Variants in CCDC117 observed in about 807,000 individuals in gnomAD.
CCDC117 encodes the protein coiled-coil domain containing 117, also known as coiled-coil domain-containing protein 117.
CCDC117 carries 1 observed loss-of-function variant against 23.5 expected under a neutral mutation model. The ratio of observed to expected loss-of-function variants is 0.04; its 90% CI spans 0.02 to 0.20. CCDC117 has a LOEUF of 0.20. Among genes scored for constraint, CCDC117 ranks in the 10% least tolerant of loss-of-function variants. CCDC117 has a pLI of 1.00. For synonymous variants in CCDC117, 132 were observed against 124.8 expected (o/e 1.06, Z -0.39); for missense variants, 383 against 348.2 (o/e 1.10, Z -0.80).
intron 2 of CCDC117, among the ~76,000 whole-genome samples, chr22:28,780,103 G>A (rs1036779943): frequency 2.6e-5 from 4 of 152,252 alleles, no homozygotes; most frequent in East Asian, 3.9e-4. Flanking sequence ...ACTACTTTAC[G>A]GTGACACTTT....
chr22:28,773,008 T>C lies in CCDC117; in HGVS notation c.159T>C (p.Ser53=). 6.8e-6 allele frequency: 8 copies of C among 1,168,724 alleles called. No individual in the cohort carries two copies. The highest frequency in any genetic ancestry group is 8.4e-6 in the Non-Finnish European group (8 of 946,796). 72.4% of individuals were successfully genotyped at this position (1,168,724 alleles called of 1,614,324 possible). The change falls in exon 1 of 5, where the codon AGT becomes AGC. Residue 53 remains serine (S), a synonymous_variant. Transcript: ENST00000249064. ...PRPGPRAVPS[S]PAGSAARGRV... is the part of the protein sequence containing the mutation. ...CGGGACCTCGCGCAGTCCCTAGCAGTCCCGCTGGGAGTGCGGCGCGCGGAC... is the reference window on the plus strand; with the variant it reads ...CGGGACCTCGCGCAGTCCCTAGCAGCCCCGCTGGGAGTGCGGCGCGCGGAC...
chr22:28,781,148 G>C lies in CCDC117; in HGVS notation c.440G>C (p.Arg147Thr), dbSNP rs192039507. Residue 147 changes from arginine (R) to threonine (T), a missense_variant, in exon 3 of 5, where the codon AGG (arginine) becomes ACG (threonine). Physicochemically the swap from Arg to Thr is moderately conservative, Grantham distance 71. Coordinates refer to ENST00000249064, the MANE Select transcript of CCDC117 (RefSeq NM_173510.4). ...TGEPQCEVAR[R>T]KLQEIEDRII... ...GAACCACAGTGTGAAGTTGCCCGAA[G>C]GAAGCTTCAGGAGATTGAGGACAGG... 13 of 1,613,362 alleles carry C rather than the reference G, an allele frequency of 8.1e-6. No individual in the cohort carries two copies. The African/African-American group carries it at 1.6e-4, about 20-fold the overall frequency.
At chr22:28,777,039 T>G (rs2031183169) in intron 2 of CCDC117, among the ~76,000 whole-genome samples, 1 of 151,186 alleles carries the variant, frequency 6.6e-6, no homozygotes, top group Admixed American at 6.6e-5. Flanking sequence ...TAGCTGTTTT[T>G]TTTTTTTTTT....
intron 3 of CCDC117, among the ~76,000 whole-genome samples, chr22:28,781,789 A>G (rs959770821): frequency 6.6e-6 from 1 of 151,850 alleles, no homozygotes; most frequent in Admixed American, 6.6e-5. Context: ...GATTACAGGC[A>G]TGCGCCACCA....
chr22:28,787,598 A>C lies in CCDC117; in HGVS notation c.*1272A>C, dbSNP rs1314533954. On this transcript the variant is annotated 3_prime_UTR_variant, in exon 5 of 5. Transcript: ENST00000249064. ...TAGTGGAGAATTGCTTCCTGCTAGCAGGAAGCCTTCATCTTCTTGAGTACC... is the reference window on the plus strand; with the variant it reads ...TAGTGGAGAATTGCTTCCTGCTAGCCGGAAGCCTTCATCTTCTTGAGTACC... 6.6e-6 allele frequency: 1 copy of C among 152,454 alleles called. No individual in the cohort carries two copies. The allele number at this position is 152,454 out of a possible 1,614,324, so 9.4% of individuals were successfully genotyped here.
chr22:28,782,036 C>T (rs1305359235), intron 3 of CCDC117, among the ~76,000 whole-genome samples: 2 of 149,932 alleles, frequency 1.3e-5, no homozygotes, highest in African/African-American at 4.9e-5. Flanking sequence ...CTTTCAGGCT[C>T]AACCCATCTG....
At chr22:28,781,907 T>C (rs1382963897) in intron 3 of CCDC117, among the ~76,000 whole-genome samples, 7 of 151,804 alleles carry the variant, frequency 4.6e-5, no homozygotes, top group Non-Finnish European at 2.9e-5. Context: ...CCTCCCAAAG[T>C]GCTGGGATTA....
In CCDC117 at chr22:28,783,653, T is replaced by G. The variant is rs970916225; in HGVS notation, c.602+8T>G. 4.3e-6 allele frequency: 7 copies of G among 1,611,786 alleles called. No individual in the cohort carries two copies. Among genetic ancestry groups the G allele is most frequent in the Admixed American group, 3.3e-5 (2 of 59,750 alleles). On this transcript the variant is annotated splice_region_variant and intron_variant, in intron 4 of 4. Coordinates refer to ENST00000249064, the MANE Select transcript of CCDC117 (RefSeq NM_173510.4). Reference sequence around the variant, plus strand: ...GAAAATGATTGAGTCTATGTAAGTTTTGGTACCTGATTTCTATTTAATTAT... The same window carrying G: ...GAAAATGATTGAGTCTATGTAAGTTGTGGTACCTGATTTCTATTTAATTAT...
At chr22:28,778,921 C>T (rs2031245160) in intron 2 of CCDC117, among the ~76,000 whole-genome samples, 1 of 152,092 alleles carries the variant, frequency 6.6e-6, no homozygotes, top group South Asian at 2.1e-4. Flanking sequence ...GAGCGCAGAA[C>T]CCAGGTGTTA....
chr22:28,779,481 C>T (rs1371398291), intron 2 of CCDC117, among the ~76,000 whole-genome samples: 1 of 152,084 alleles, frequency 6.6e-6, no homozygotes, highest in Non-Finnish European at 1.5e-5. Flanking sequence ...GCTGGGATTA[C>T]AGGCATGAAC....
At position 28,781,097 on chromosome 22, in the gene CCDC117, G is replaced by C. The variant is rs758067934; in HGVS notation, c.389G>C (p.Cys130Ser). The C allele has an allele frequency of 6.2e-7, 1 of 1,613,990 alleles. No homozygotes were observed. Among genetic ancestry groups the C allele is most frequent in the Non-Finnish European group, 8.5e-7 (1 of 1,179,978 alleles). ...LSIPGILDVICEEMDQTTGEP... is the reference protein window; with the variant it reads ...LSIPGILDVISEEMDQTTGEP... ...ATACCTGGGATATTAGATGTTATTTGTGAAGAAATGGATCAGACAACTGGA... is the reference window on the plus strand; with the variant it reads ...ATACCTGGGATATTAGATGTTATTTCTGAAGAAATGGATCAGACAACTGGA... The change falls in exon 3 of 5, where the codon TGT becomes TCT. Residue 130 changes from cysteine to serine, a missense_variant. Coordinates refer to ENST00000249064, the MANE Select transcript of CCDC117 (RefSeq NM_173510.4).
At chr22:28,785,544 G>A (rs2031485360) in intron 4 of CCDC117, among the ~76,000 whole-genome samples, 1 of 152,130 alleles carries the variant, frequency 6.6e-6, no homozygotes, top group Non-Finnish European at 1.5e-5. Context: ...CTTTCAGCAT[G>A]TTTGTCCAGT....
chr22:28,779,590 AAAACTAATTAT>A (rs2031263772), intron 2 of CCDC117, among the ~76,000 whole-genome samples: 1 of 152,206 alleles, frequency 6.6e-6, no homozygotes, highest in Non-Finnish European at 1.5e-5. Context: ...CTTAGGAGTT[AAAACTAATTAT>A]AAACCAAACA....
At chr22:28,773,444 C>T (rs1328733236) in intron 1 of CCDC117, 2 of 464,246 alleles carry the variant, frequency 4.3e-6, no homozygotes, top group Non-Finnish European at 7.9e-6. Flanking sequence ...AAATAAAGTG[C>T]TTAACACAGC....
rs1413353495 is a variant in CCDC117 at position 28,786,906 on chromosome 22, T to C, written c.*580T>C. ...GTTGATTAAATAGCCGATAGTATTG[T>C]GGCTCTCCTCTTTGACTATGAAAAT... On this transcript the variant is annotated 3_prime_UTR_variant, in exon 5 of 5. Transcript: ENST00000249064. 2.0e-5 allele frequency: 3 copies of C among 152,682 alleles called. No homozygotes were observed. Among genetic ancestry groups the C allele is most frequent in the African/African-American group, 4.8e-5 (2 of 41,452 alleles). 9.5% of individuals were successfully genotyped at this position (152,682 alleles called of 1,614,324 possible). A position where few individuals can be genotyped will look rare whatever the true frequency, so the allele number is the denominator to read the frequency against.
chr22:28,783,624 C>T lies in CCDC117; in HGVS notation c.581C>T (p.Thr194Ile). Residue 194 changes from threonine (T) to isoleucine (I), a missense_variant, in exon 4 of 5, where the codon ACA becomes ATA. Transcript: ENST00000249064. ...AAGAGGGAATTTGATGAAGTTTTTA[C>T]AAAGAAAATGATTGAGTCTATGTAA... ...GLKREFDEVF[T>I]KKMIESMSRP... The T allele has an allele frequency of 1.2e-6, 2 of 1,613,544 alleles. No homozygotes were observed. Among genetic ancestry groups the T allele is most frequent in the South Asian group, 1.1e-5 (1 of 91,042 alleles).
At chr22:28,776,936 TCTAA>T (rs1280810985) in intron 2 of CCDC117, among the ~76,000 whole-genome samples, 2 of 152,078 alleles carry the variant, frequency 1.3e-5, no homozygotes, top group African/African-American at 4.8e-5. Context: ...GCCAGGCTGG[TCTAA>T]AACTCATGAC....
At chr22:28,773,526 G>T in intron 1 of CCDC117, 199 bp from the exon 2 acceptor site, 2 of 597,042 alleles carry the variant, frequency 3.3e-6, no homozygotes, top group East Asian at 2.8e-5. Flanking sequence ...AAAAGGACAA[G>T]TTGAGATTTC....
rs756637351 is a variant in CCDC117, at chr22:28,781,012, C to G, written c.304C>G (p.Leu102Val). 3.7e-6 allele frequency: 6 copies of G among 1,613,844 alleles called. No homozygotes were observed. The African/African-American group carries it at 6.7e-5, about 18-fold the overall frequency. The change falls in exon 3 of 5, where the codon CTT becomes GTT. Residue 102 changes from leucine to valine, a missense_variant. Leu to Val is a conservative substitution (Grantham distance 32, BLOSUM62 1). Transcript: ENST00000249064. The stretch of plus-strand genomic sequence containing the variant: ...CTGTGCTGGTCCTAATGACTGGATT[C>G]TTTGTGCACATCAGGATGTAGAGGG... ...ELCAGPNDWILCAHQDVEGHG... is the reference protein window; with the variant it reads ...ELCAGPNDWIVCAHQDVEGHG...
Sources: gnomAD v4.1 joint callset for allele counts (sites outside exome capture counted in the v4.1 genomes callset) on GRCh38, gnomAD v4.1.1 for gene constraint, MANE v1.5 for transcripts, NCBI Gene and HGNC (gene_info 2026-07-23, HGNC 2026-07-21) for gene names.